IQCJ: variants seen among roughly 807,000 people sequenced by gnomAD.
The protein encoded by IQCJ is IQ motif containing J.
In IQCJ, 9 loss-of-function variants were observed where a neutral mutation model predicts 11.0. The ratio of observed to expected loss-of-function variants is 0.82; its 90% CI spans 0.49 to 1.43. The LOEUF is 1.43. IQCJ is among the 40% of genes most tolerant of loss of function. The pLI, the probability that IQCJ is intolerant of heterozygous loss-of-function variation, is 0.00. For synonymous variants in IQCJ, 55 were observed against 51.3 expected, an observed-to-expected ratio of 1.07 and a Z score of -0.31; for missense variants, 146 against 133.2, an observed-to-expected ratio of 1.10 and a Z score of -0.47.
intron 1 of IQCJ, among the ~76,000 whole-genome samples, chr3:159,195,251 C>T (rs893881237): frequency 6.6e-6 from 1 of 152,172 alleles, no homozygotes; most frequent in Non-Finnish European, 1.5e-5. Context: ...GTATGTATTG[C>T]TAGGTCCTGT....
chr3:159,170,256 C>T (rs747396689), intron 1 of IQCJ, among the ~76,000 whole-genome samples: 49 of 151,504 alleles, frequency 3.2e-4, no homozygotes, highest in Admixed American at 1.7e-3. Context: ...CATAGACAAA[C>T]GTTTTTCAGT....
intron 1 of IQCJ, among the ~76,000 whole-genome samples, chr3:159,136,646 A>T (rs1720306691): frequency 6.6e-6 from 1 of 152,108 alleles, no homozygotes; most frequent in Non-Finnish European, 1.5e-5. Context: ...CGGGGTTCTC[A>T]CTGGTGGAAG....
chr3:159,225,359 T>G (rs909734676), intron 1 of IQCJ, among the ~76,000 whole-genome samples: 4 of 152,050 alleles, frequency 2.6e-5, no homozygotes, highest in African/African-American at 9.7e-5. Flanking sequence ...AAAAAAGTAA[T>G]ATTTACTAGA....
intron 1 of IQCJ, among the ~76,000 whole-genome samples, chr3:159,160,010 C>T (rs57792717): frequency 0.029 from 4,372 of 152,246 alleles, 200 homozygotes; most frequent in African/African-American, 0.1. Context: ...ATTACCCATC[C>T]TCAGGTATTC....
At chr3:159,245,670 G>A (rs1035004593) in intron 1 of IQCJ, among the ~76,000 whole-genome samples, 173 bp from the exon 2 acceptor site, 7 of 151,984 alleles carry the variant, frequency 4.6e-5, no homozygotes, top group Non-Finnish European at 8.8e-5. Flanking sequence ...CACCGTGTTA[G>A]CCAGGATGGT....
In IQCJ at chr3:159,073,323, G is replaced by T. The variant is rs73025580; in HGVS notation, c.9+3882G>T. Among the ~76,000 whole-genome samples, 1,114 of 152,196 alleles carry T rather than the reference G, an allele frequency of 7.3e-3. 11 individuals carry two copies. Among genetic ancestry groups the T allele is most frequent in the African/African-American group, 0.025 (1,058 of 41,536 alleles). ...AATAGCAAGTTCTTTCTTGAAGGAAGATCTGAGCAGTGTACCTCCCTGGCT... is the reference window on the plus strand; with the variant it reads ...AATAGCAAGTTCTTTCTTGAAGGAATATCTGAGCAGTGTACCTCCCTGGCT... On this transcript the variant is annotated intron_variant, in intron 1 of 3. Coordinates refer to ENST00000397832, the MANE Select transcript of IQCJ (RefSeq NM_001042706.3).
At chr3:159,212,702 G>A (rs1048038671) in intron 1 of IQCJ, among the ~76,000 whole-genome samples, 1 of 152,172 alleles carries the variant, frequency 6.6e-6, no homozygotes, top group Non-Finnish European at 1.5e-5. Flanking sequence ...GTATGTGCTC[G>A]ATAAATATGG....
intron 1 of IQCJ, among the ~76,000 whole-genome samples, chr3:159,157,847 A>G (rs1721615097): frequency 6.6e-6 from 1 of 152,240 alleles, no homozygotes; most frequent in Non-Finnish European, 1.5e-5. Flanking sequence ...CATATAACAT[A>G]TCTTAAAAAC....
chr3:159,220,149 T>C (rs2595260), intron 1 of IQCJ, among the ~76,000 whole-genome samples: 112,030 of 152,008 alleles, frequency 0.74, 41,582 homozygotes, highest in Middle Eastern at 0.79. Flanking sequence ...TTTTAAAAGG[T>C]ATCTTCTGCA....
chr3:159,162,737 G>A (rs1721939121), intron 1 of IQCJ, among the ~76,000 whole-genome samples: 1 of 151,882 alleles, frequency 6.6e-6, no homozygotes, highest in South Asian at 2.1e-4. Flanking sequence ...ATGATAAAGG[G>A]GATATCACCA....
chr3:159,265,549 A>T (rs1728451925), downstream of IQCJ: 1 of 622,212 alleles, frequency 1.6e-6, no homozygotes, highest in Non-Finnish European at 2.7e-6. Context: ...AAATGTTGTC[A>T]GTGAGCTGTG....
intron 1 of IQCJ, among the ~76,000 whole-genome samples, chr3:159,174,198 C>T (rs1465694862): frequency 2.6e-5 from 4 of 152,076 alleles, no homozygotes; most frequent in Middle Eastern, 3.4e-3. Context: ...TTGTTTCATA[C>T]GCTCCTATGC....
rs557193775 is a variant in IQCJ at position 159,259,945 on chromosome 3, A to G, written c.156-2603A>G. ...ATTGTTTTCACATATGTGGATGACT[A>G]TAAAATAAATATTACAAAAAAACAG... On this transcript the variant is annotated intron_variant, in intron 3 of 3. Coordinates refer to ENST00000397832, the MANE Select transcript of IQCJ (RefSeq NM_001042706.3). Among the ~76,000 whole-genome samples the G allele has an allele frequency of 5.0e-4, 76 of 152,378 alleles. 1 individual carries two copies. The highest frequency in any genetic ancestry group is 1.8e-3 in the African/African-American group (73 of 41,590).
At chr3:159,087,265 A>G (rs530394055) in intron 1 of IQCJ, among the ~76,000 whole-genome samples, 7 of 152,016 alleles carry the variant, frequency 4.6e-5, no homozygotes, top group Admixed American at 4.6e-4. Context: ...CCAGGGATGA[A>G]GCCCACTTGA....
chr3:159,199,708 G>T (rs1025597392), intron 1 of IQCJ, among the ~76,000 whole-genome samples: 3 of 152,054 alleles, frequency 2.0e-5, no homozygotes, highest in African/African-American at 4.8e-5. Flanking sequence ...TTTTCTGAAA[G>T]AGCTAAAACC....
chr3:159,236,727 A>G (rs1308946201), intron 1 of IQCJ, among the ~76,000 whole-genome samples: 1 of 152,254 alleles, frequency 6.6e-6, no homozygotes, highest in Non-Finnish European at 1.5e-5. Flanking sequence ...GCAAAGAGCA[A>G]TAATCAATAT....
chr3:159,167,587 C>A (rs919876755), intron 1 of IQCJ, among the ~76,000 whole-genome samples: 2 of 152,118 alleles, frequency 1.3e-5, no homozygotes, highest in Admixed American at 1.3e-4. Context: ...TTTAAGTGGA[C>A]ATTTAAAGCG....
At chr3:159,076,919 A>T (rs1715960104) in intron 1 of IQCJ, among the ~76,000 whole-genome samples, 1 of 152,090 alleles carries the variant, frequency 6.6e-6, no homozygotes, top group Non-Finnish European at 1.5e-5. Context: ...GCACCTTTTT[A>T]ATAGGGTGGT....
intron 1 of IQCJ, among the ~76,000 whole-genome samples, chr3:159,245,570 T>C (rs1448004645): frequency 6.6e-6 from 1 of 150,754 alleles, no homozygotes; most frequent in African/African-American, 2.4e-5. Flanking sequence ...CACGCCATTC[T>C]CCTGCCTCAG....
Sources: allele counts gnomAD v4.1 joint callset (sites outside exome capture counted in the v4.1 genomes callset), GRCh38; gene constraint gnomAD v4.1.1; transcripts MANE v1.5; gene names NCBI Gene and HGNC (gene_info 2026-07-23, HGNC 2026-07-21).